The following ENPP2 variants were observed in gnomAD, a reference collection of about 807,000 sequenced individuals.
ENPP2 encodes the protein ectonucleotide pyrophosphatase/phosphodiesterase 2, also known as autotaxin.
A neutral mutation model predicts 120.2 loss-of-function variants in ENPP2; 51 were observed. That is an observed-to-expected ratio of 0.42 (90% CI 0.34 to 0.54). ENPP2 has a LOEUF of 0.54. Ranked by LOEUF, ENPP2 falls within the 20% of genes least tolerant of loss-of-function variation. ENPP2 has a pLI of 0.04. For missense variants in ENPP2, 920 were observed against 1,066.5 expected, an observed-to-expected ratio of 0.86 and a Z score of 1.91; for synonymous variants, 365 against 366.4, an observed-to-expected ratio of 1.00 and a Z score of 0.04.
chr8:119,590,406 C>A, intron 13 of ENPP2, 99 bp downstream of exon 13: 1 of 968,736 alleles, frequency 1.0e-6, no homozygotes, highest in Non-Finnish European at 1.5e-6. Flanking sequence ...GTAGCAGAGC[C>A]AGAATTTTTA....
intron 1 of ENPP2, among the ~76,000 whole-genome samples, chr8:119,664,934 T>C (rs991955645): frequency 2.0e-5 from 3 of 152,184 alleles, no homozygotes; most frequent in Non-Finnish European, 2.9e-5. Context: ...CAATGAAATG[T>C]ATCATCTCAC....
chr8:119,593,734 G>C lies in ENPP2; in HGVS notation c.1081+18C>G. ...ATTATCCATCTATCCTATTAGCAAA[G>C]AAAAAACAAAGCTTTACCATGGTCT... On this transcript the variant is annotated intron_variant, in intron 12 of 24. Coordinates refer to ENST00000075322, the MANE Select transcript of ENPP2 (RefSeq NM_001040092.3). The C allele has an allele frequency of 6.7e-7, 1 of 1,487,710 alleles. No homozygotes were observed. Among genetic ancestry groups the C allele is most frequent in the Non-Finnish European group, 9.4e-7 (1 of 1,064,842 alleles). The allele number at this position is 1,487,710 out of a possible 1,614,324, so 92.2% of individuals were successfully genotyped here.
At chr8:119,653,693 G>A (rs1440449350) in intron 1 of ENPP2, among the ~76,000 whole-genome samples, 1 of 152,040 alleles carries the variant, frequency 6.6e-6, no homozygotes, top group Non-Finnish European at 1.5e-5. Flanking sequence ...GTTTCATGTT[G>A]GATGTAATGA....
chr8:119,630,647 C>T (rs1816597291), intron 2 of ENPP2, among the ~76,000 whole-genome samples: 1 of 152,168 alleles, frequency 6.6e-6, no homozygotes, highest in South Asian at 2.1e-4. Context: ...GTTAGCCTTA[C>T]ACTCATAATG....
At chr8:119,660,284 T>C (rs1477214769) in intron 1 of ENPP2, among the ~76,000 whole-genome samples, 1 of 152,230 alleles carries the variant, frequency 6.6e-6, no homozygotes, top group Non-Finnish European at 1.5e-5. Flanking sequence ...GCTCTTGTAA[T>C]TTCTTTTCAG....
rs1817869387 is a variant in ENPP2, at chr8:119,659,751, T to G, written c.21+13501A>C. ...GAAGAATATTGGTGAAAAAACTGAT[T>G]GCTTTTCTTTCTTTTGCCTAAGGAT... is the stretch of plus-strand genomic sequence containing the variant. On this transcript the variant is annotated intron_variant, in intron 1 of 25. Transcript: ENST00000427067. Among the ~76,000 whole-genome samples the G allele has an allele frequency of 2.0e-5, 3 of 152,222 alleles. No individual in the cohort carries two copies. In the South Asian group the frequency reaches 6.2e-4, roughly 31 times the overall value.
intron 2 of ENPP2, among the ~76,000 whole-genome samples, chr8:119,630,738 G>A (rs1203358861): frequency 6.6e-6 from 1 of 152,076 alleles, no homozygotes; most frequent in Non-Finnish European, 1.5e-5. Context: ...CCTGGGGCTG[G>A]GTGGATTAGG....
At chr8:119,622,145 T>TCTCAAACTCCTGAC (rs1205694360) in intron 3 of ENPP2, among the ~76,000 whole-genome samples, 12 of 152,140 alleles carry the variant, frequency 7.9e-5, no homozygotes, top group Non-Finnish European at 1.3e-4. Flanking sequence ...GCCAGGCTGG[T>TCTCAAACTCCTGAC]CTCAAACTCC....
intron 3 of ENPP2, among the ~76,000 whole-genome samples, chr8:119,622,783 A>G (rs1399303081): frequency 2.0e-5 from 3 of 151,884 alleles, no homozygotes; most frequent in African/African-American, 7.3e-5. Flanking sequence ...TTACTCATTG[A>G]CTCTTATACC....
intron 3 of ENPP2, among the ~76,000 whole-genome samples, chr8:119,623,549 C>T (rs1816057365): frequency 6.6e-6 from 1 of 152,142 alleles, no homozygotes; most frequent in South Asian, 2.1e-4. Flanking sequence ...AGCCAGAAAA[C>T]CATGCAATTA....
intron 7 of ENPP2, among the ~76,000 whole-genome samples, chr8:119,616,886 AAAC>A (rs1340132988): frequency 6.6e-6 from 1 of 152,226 alleles, no homozygotes; most frequent in Non-Finnish European, 1.5e-5. Flanking sequence ...TTCAGAAAAT[AAAC>A]AATAGACCCT....
intron 8 of ENPP2, among the ~76,000 whole-genome samples, chr8:119,615,077 T>G (rs972407503): frequency 1.3e-5 from 2 of 152,188 alleles, no homozygotes; most frequent in African/African-American, 2.4e-5. Flanking sequence ...GTGAGATACC[T>G]TAAGAAAAAA....
upstream of ENPP2, among the ~76,000 whole-genome samples, chr8:119,641,671 C>T (rs1817290487): frequency 6.6e-6 from 1 of 152,126 alleles, no homozygotes; most frequent in South Asian, 2.1e-4. Context: ...TCAGAATCAC[C>T]CTGGAGCCTT....
intron 8 of ENPP2, among the ~76,000 whole-genome samples, chr8:119,612,291 A>G (rs1298028780): frequency 6.6e-6 from 1 of 152,248 alleles, no homozygotes; most frequent in African/African-American, 2.4e-5. Context: ...TATATGGAAA[A>G]GAAACAACAG....
intron 1 of ENPP2, among the ~76,000 whole-genome samples, chr8:119,668,329 T>C (rs1329272905): frequency 6.6e-6 from 1 of 152,132 alleles, no homozygotes; most frequent in Non-Finnish European, 1.5e-5. Context: ...CAGAACTAGA[T>C]ACAATTGTTC....
chr8:119,645,597 G>A (rs939223957), intron 1 of ENPP2, among the ~76,000 whole-genome samples: 2 of 152,140 alleles, frequency 1.3e-5, no homozygotes, highest in African/African-American at 2.4e-5. Context: ...GGCCGAGGCA[G>A]GTGGACCTGA....
chr8:119,568,958 C>G (rs1228489634), intron 21 of ENPP2, among the ~76,000 whole-genome samples: 6 of 152,178 alleles, frequency 3.9e-5, no homozygotes, highest in Non-Finnish European at 5.9e-5. Context: ...CGACTAGTGT[C>G]TTAATGATTC....
chr8:119,563,034 G>A (rs533477010), intron 23 of ENPP2, 21 bp from the exon 24 acceptor site: 27 of 1,609,250 alleles, frequency 1.7e-5, no homozygotes, highest in South Asian at 7.7e-5. Flanking sequence ...AAGGTAAAAC[G>A]AAGTCACAGT....
At chr8:119,640,967 G>T (rs575662276), upstream of ENPP2, among the ~76,000 whole-genome samples, 1 of 152,012 alleles carries the variant, frequency 6.6e-6, no homozygotes, top group Non-Finnish European at 1.5e-5. Context: ...GGATGGTCTC[G>T]AACTCCTGAC....
Sources: allele counts gnomAD v4.1 joint callset (sites outside exome capture counted in the v4.1 genomes callset), GRCh38; gene constraint gnomAD v4.1.1; transcripts MANE v1.5; gene names NCBI Gene and HGNC (gene_info 2026-07-23, HGNC 2026-07-21).